Variants in GNG13 observed in about 807,000 individuals in gnomAD.
GNG13 encodes the protein G protein subunit gamma 13, also known as guanine nucleotide-binding protein G(I)/G(S)/G(O) subunit gamma-13.
In GNG13, 12 loss-of-function variants were observed where a neutral mutation model predicts 8.2. The observed-to-expected ratio is 1.47, with a 90% confidence interval of 0.94 to 2.38. GNG13 has a LOEUF of 2.38. GNG13 is among the 30% of genes most tolerant of loss of function. The pLI is 0.00. For synonymous variants in GNG13, 45 were observed against 33.0 expected (o/e 1.37, Z -1.25); for missense variants, 100 against 85.2 (o/e 1.17, Z -0.68).
rs2042425372 is a variant in GNG13, at chr16:799,105, C to T, written c.-28G>A. The T allele has an allele frequency of 2.8e-6, 4 of 1,404,960 alleles. No individual in the cohort carries two copies. Among genetic ancestry groups the T allele is most frequent in the Non-Finnish European group, 1.0e-6 (1 of 992,526 alleles). 87.0% of individuals were successfully genotyped at this position (1,404,960 alleles called of 1,614,324 possible). On this transcript the variant is annotated 5_prime_UTR_variant, in exon 2 of 3. Transcript: ENST00000248150. ...GGTCAGGGGCTTCTGAAGCAGCCAG[C>T]CTGGGGCTGGAGGGCACAGGAGGAA... is the stretch of plus-strand genomic sequence containing the variant.
At chr16:800,094 C>G (rs1024443621) in intron 1 of GNG13, among the ~76,000 whole-genome samples, 1 of 152,102 alleles carries the variant, frequency 6.6e-6, no homozygotes, top group Middle Eastern at 3.2e-3. Flanking sequence ...GGGCAGACTC[C>G]CAGCAGCCAG....
rs146451993 is a variant in GNG13 at position 798,697 on chromosome 16, TGA to T, written c.*20_*21del. The T allele has an allele frequency of 0.028, 40,195 of 1,430,652 alleles. 2,141 individuals are homozygous for T. Among genetic ancestry groups the T allele is most frequent in the South Asian group, 0.17 (15,237 of 87,258 alleles). The allele number at this position is 1,430,652 out of a possible 1,614,324, so 88.6% of individuals were successfully genotyped here. A position where few individuals can be genotyped will look rare whatever the true frequency, so the allele number is the denominator to read the frequency against. On this transcript the variant is annotated 3_prime_UTR_variant, in exon 3 of 3. Coordinates refer to ENST00000248150, the MANE Select transcript of GNG13 (RefSeq NM_016541.3). ...CCGGGCGTGGTCTCACAGGATGGTGTGAGAGGGGCCGGGTGCGGGGCTCACAG... is the reference window on the plus strand; with the variant it reads ...CCGGGCGTGGTCTCACAGGATGGTGTGAGGGGCCGGGTGCGGGGCTCACAG...
chr16:799,133 C>T (rs2042425692), intron 1 of GNG13, 22 bp from the exon 2 acceptor site: 1 of 1,057,582 alleles, frequency 9.5e-7, no homozygotes, highest in Non-Finnish European at 1.5e-6. Flanking sequence ...AGGAGGAAGC[C>T]ACAGGGCCGA....
rs1367707960 is a variant in GNG13 at position 798,791 on chromosome 16, C to T, written c.132G>A (p.Lys44=). The T allele has an allele frequency of 6.2e-7, 1 of 1,613,050 alleles. No homozygotes were observed. Residue 44 remains lysine, a synonymous_variant, in exon 3 of 3, where the codon AAG becomes AAA. Transcript: ENST00000248150. ...LLKWIEDGIP[K]DPFLNPDLMK... ...TCAGGTCGGGGTTCAGGAAGGGGTC[C>T]TTGGGGATCCCGTCCTCGATCCACT... is the stretch of plus-strand genomic sequence containing the variant.
chr16:798,573 G>C lies in GNG13; in HGVS notation c.*146C>G. The C allele has an allele frequency of 1.4e-6, 1 of 720,448 alleles. No individual in the cohort carries two copies. The highest frequency in any genetic ancestry group is 2.5e-6 in the Non-Finnish European group (1 of 397,558). 44.6% of individuals were successfully genotyped at this position (720,448 alleles called of 1,614,324 possible). On this transcript the variant is annotated 3_prime_UTR_variant, in exon 3 of 3. Transcript: ENST00000248150. ...CACAGGTTGGTGTGAGTGGGGCCGG[G>C]CATGGGCTCACAGGATGGTGGGAGT...
At chr16:800,582 G>A (rs2042437297) in intron 1 of GNG13, 84 bp downstream of exon 1, 1 of 152,314 alleles carries the variant, frequency 6.6e-6, no homozygotes, top group East Asian at 1.9e-4. Context: ...GTTAGGGTGA[G>A]CCCAGGGGAC....
At position 798,740 on chromosome 16, in the gene GNG13, C is replaced by T. The variant is rs1296995695; in HGVS notation, c.183G>A (p.Lys61=). The T allele has an allele frequency of 6.2e-7, 1 of 1,611,224 alleles. No individual in the cohort carries two copies. Among genetic ancestry groups the T allele is most frequent in the Non-Finnish European group, 8.5e-7 (1 of 1,177,808 alleles). ...GGGCTCACAGGATGGTGCATTTGCC[C>T]TTTTCCACCCATGGGTTGTTCTTCA... ...DLMKNNPWVE[K]GKCTIL Residue 61 remains lysine, a synonymous_variant, in exon 3 of 3, where the codon AAG becomes AAA. Transcript: ENST00000248150.
At chr16:800,126 G>A (rs527990753) in intron 1 of GNG13, among the ~76,000 whole-genome samples, 3 of 152,274 alleles carry the variant, frequency 2.0e-5, no homozygotes, top group African/African-American at 7.2e-5. Flanking sequence ...CCCGTAGTGG[G>A]GTGGGAGGCC....
chr16:798,162 G>T lies in GNG13; in HGVS notation c.*557C>A. 1.3e-6 allele frequency: 1 copy of T among 780,912 alleles called. No homozygotes were observed. Among genetic ancestry groups the T allele is most frequent in the South Asian group, 1.7e-5 (1 of 59,580 alleles). 48.4% of individuals were successfully genotyped at this position (780,912 alleles called of 1,614,324 possible). A position where few individuals can be genotyped will look rare whatever the true frequency, so the allele number is the denominator to read the frequency against. ...GATGGTGTGAGTGGGGCCAGGAGTG[G>T]GGCTCACAGGATGGTGGGAGTGGGG... On this transcript the variant is annotated 3_prime_UTR_variant, in exon 3 of 3. Transcript: ENST00000248150.
rs1192848702 is a variant in GNG13 at position 798,108 on chromosome 16, T to C, written c.*611A>G. On this transcript the variant is annotated 3_prime_UTR_variant, in exon 3 of 3. Transcript: ENST00000248150. ...GAGTGGAGTGGGGTTCACAGGATGG[T>C]GGGAGTGGGGCCGGGCGTGGGCTCA... 2 of 1,267,862 alleles carry C rather than the reference T, an allele frequency of 1.6e-6. No homozygotes were observed. The highest frequency in any genetic ancestry group is 1.5e-5 in the African/African-American group (1 of 67,418). 78.5% of individuals were successfully genotyped at this position (1,267,862 alleles called of 1,614,324 possible). A position where few individuals can be genotyped will look rare whatever the true frequency, so the allele number is the denominator to read the frequency against.
At chr16:800,470 G>C (rs936570335) in intron 1 of GNG13, among the ~76,000 whole-genome samples, 196 bp downstream of exon 1, 19 of 152,208 alleles carry the variant, frequency 1.2e-4, no homozygotes, top group South Asian at 6.2e-4. Flanking sequence ...ACGGCGCTCA[G>C]ATGGACACAG....
At chr16:800,285 G>C (rs1471960660) in intron 1 of GNG13, among the ~76,000 whole-genome samples, 1 of 152,162 alleles carries the variant, frequency 6.6e-6, no homozygotes, top group Admixed American at 6.5e-5. Context: ...CCCCGTGGGC[G>C]CAGGACTAGC....
chr16:798,227 C>T lies in GNG13; in HGVS notation c.*492G>A, dbSNP rs189446315. The T allele has an allele frequency of 2.8e-5, 16 of 579,642 alleles. No individual in the cohort carries two copies. Among genetic ancestry groups the T allele is most frequent in the East Asian group, 8.8e-5 (3 of 33,992 alleles). The allele number at this position is 579,642 out of a possible 1,614,324, so 35.9% of individuals were successfully genotyped here. Reference sequence around the variant, plus strand: ...ACAGGATAGAGTGAGTGGGGCCGGGCGTGGTCTCACAGGATGGAGTGAATG... The same window carrying T: ...ACAGGATAGAGTGAGTGGGGCCGGGTGTGGTCTCACAGGATGGAGTGAATG... On this transcript the variant is annotated 3_prime_UTR_variant, in exon 3 of 3. Transcript: ENST00000248150.
At position 798,831 on chromosome 16, in the gene GNG13, G is replaced by A. The variant is rs764691129; in HGVS notation, c.99-7C>T. On this transcript the variant is annotated splice_region_variant and splice_polypyrimidine_tract_variant and intron_variant, in intron 2 of 2. Coordinates refer to ENST00000248150, the MANE Select transcript of GNG13 (RefSeq NM_016541.3). ...CTCGATCCACTTCAGCAGCCTGCGG[G>A]TGGGCGGGTGGCAGGTGAGTGGTGG... is the stretch of plus-strand genomic sequence containing the variant. The A allele has an allele frequency of 1.9e-6, 3 of 1,592,402 alleles. No individual in the cohort carries two copies. Among genetic ancestry groups the A allele is most frequent in the Non-Finnish European group, 1.7e-6 (2 of 1,162,230 alleles).
chr16:798,515 C>G lies in GNG13; in HGVS notation c.*204G>C. On this transcript the variant is annotated 3_prime_UTR_variant, in exon 3 of 3. Coordinates refer to ENST00000248150, the MANE Select transcript of GNG13 (RefSeq NM_016541.3). ...GTGAATGGGGCTGGGCATAGTCTTA[C>G]AAGATGGAGTGAGTGGGGCCGGGAG... The G allele has an allele frequency of 1.5e-6, 1 of 655,956 alleles. No homozygotes were observed. The highest frequency in any genetic ancestry group is 2.8e-6 in the Non-Finnish European group (1 of 361,120). 40.6% of individuals were successfully genotyped at this position (655,956 alleles called of 1,614,324 possible). A position where few individuals can be genotyped will look rare whatever the true frequency, so the allele number is the denominator to read the frequency against.
Position 798,718 on chromosome 16 carries a change from C to G in GNG13, c.*1G>C. 2 of 1,586,186 alleles carry G rather than the reference C, an allele frequency of 1.3e-6. No individual in the cohort carries two copies. The highest frequency in any genetic ancestry group is 1.7e-6 in the Non-Finnish European group (2 of 1,155,108). Reference sequence around the variant, plus strand: ...GGTGTGAGAGGGGCCGGGTGCGGGGCTCACAGGATGGTGCATTTGCCCTTT... The same window carrying G: ...GGTGTGAGAGGGGCCGGGTGCGGGGGTCACAGGATGGTGCATTTGCCCTTT... On this transcript the variant is annotated 3_prime_UTR_variant, in exon 3 of 3. Coordinates refer to ENST00000248150, the MANE Select transcript of GNG13 (RefSeq NM_016541.3).
chr16:798,078 C>T lies in GNG13; in HGVS notation c.*641G>A, dbSNP rs1306109394. The T allele has an allele frequency of 2.8e-5, 40 of 1,446,068 alleles. No individual in the cohort carries two copies. Among genetic ancestry groups the T allele is most frequent in the Admixed American group, 1.0e-4 (5 of 49,428 alleles). The allele number at this position is 1,446,068 out of a possible 1,614,324, so 89.6% of individuals were successfully genotyped here. A position where few individuals can be genotyped will look rare whatever the true frequency, so the allele number is the denominator to read the frequency against. ...GTCACACCTTTACAGACTGTAATCA[C>T]GTGCGAGTGGAGTGGGGTTCACAGG... On this transcript the variant is annotated 3_prime_UTR_variant, in exon 3 of 3. Coordinates refer to ENST00000248150, the MANE Select transcript of GNG13 (RefSeq NM_016541.3).
chr16:799,141 C>T (rs980655754), intron 1 of GNG13, 30 bp from the exon 2 acceptor site: 18 of 931,498 alleles, frequency 1.9e-5, no homozygotes, highest in Admixed American at 5.4e-5. Context: ...GCCACAGGGC[C>T]GAGGCCACCA....
chr16:799,855 A>T (rs1268356335), intron 1 of GNG13, among the ~76,000 whole-genome samples: 1 of 138,278 alleles, frequency 7.2e-6, no homozygotes, highest in Non-Finnish European at 1.6e-5. Flanking sequence ...CCAGGGGCCC[A>T]GGGAGTCCCT....
Sources: allele counts gnomAD v4.1 joint callset (sites outside exome capture counted in the v4.1 genomes callset), GRCh38; gene constraint gnomAD v4.1.1; transcripts MANE v1.5; gene names NCBI Gene and HGNC (gene_info 2026-07-23, HGNC 2026-07-21).